Variants in COL23A1 observed in about 807,000 individuals in gnomAD.
The protein encoded by COL23A1 is collagen type XXIII alpha 1 chain, also known as collagen alpha-1(XXIII) chain.
A neutral mutation model predicts 99.3 loss-of-function variants in COL23A1; 97 were observed. The ratio of observed to expected loss-of-function variants is 0.98; its 90% CI spans 0.83 to 1.16. COL23A1 has a LOEUF of 1.16. Among genes scored for constraint, COL23A1 ranks in the 50% most tolerant of loss-of-function variants. The pLI is 0.00. For missense variants in COL23A1, 762 were observed against 757.4 expected, an observed-to-expected ratio of 1.01 and a Z score of -0.07; for synonymous variants, 320 against 308.2, an observed-to-expected ratio of 1.04 and a Z score of -0.40.
intron 2 of COL23A1, among the ~76,000 whole-genome samples, chr5:178,456,819 T>G (rs1166884069): frequency 6.6e-6 from 1 of 151,162 alleles, no homozygotes; most frequent in Non-Finnish European, 1.5e-5. Flanking sequence ...GAAGGATTGT[T>G]TTTCTTAAGA....
intron 2 of COL23A1, among the ~76,000 whole-genome samples, chr5:178,397,976 A>C (rs1465709937): frequency 6.6e-6 from 1 of 151,490 alleles, no homozygotes; most frequent in Non-Finnish European, 1.5e-5. Flanking sequence ...ACAGAGTGAG[A>C]CTTCATGTCA....
At chr5:178,297,537 A>T (rs1366258171) in intron 3 of COL23A1, among the ~76,000 whole-genome samples, 1 of 152,188 alleles carries the variant, frequency 6.6e-6, no homozygotes, top group East Asian at 1.9e-4. Flanking sequence ...AACAAAAAAC[A>T]GAGATGTCAA....
chr5:178,267,659 G>A (rs1408390758), intron 7 of COL23A1, among the ~76,000 whole-genome samples: 5 of 152,150 alleles, frequency 3.3e-5, no homozygotes, highest in Admixed American at 2.0e-4. Context: ...TGGAAGGGAC[G>A]GTAATGAGTA....
rs140463823 is a variant in COL23A1 at position 178,313,075 on chromosome 5, G to A, written c.362-6156C>T. Reference sequence around the variant, plus strand: ...TGGGCCTGGAGGACGTCACGCGATGGGAAGTAAGCCAGACACAGAAAGACA... The same window carrying A: ...TGGGCCTGGAGGACGTCACGCGATGAGAAGTAAGCCAGACACAGAAAGACA... On this transcript the variant is annotated intron_variant, in intron 2 of 28. Coordinates refer to ENST00000390654, the MANE Select transcript of COL23A1 (RefSeq NM_173465.4). This position sits in a 1 kb window ranked among gnomAD's most constrained non-coding sequence, Gnocchi z 4.2. Among the ~76,000 whole-genome samples, 50 of 152,296 alleles carry A rather than the reference G, an allele frequency of 3.3e-4. No homozygotes were observed. The highest frequency in any genetic ancestry group is 1.1e-3 in the African/African-American group (46 of 41,560).
At chr5:178,361,685 C>T (rs1022207758) in intron 2 of COL23A1, among the ~76,000 whole-genome samples, 17 of 152,184 alleles carry the variant, frequency 1.1e-4, no homozygotes, top group African/African-American at 2.4e-4. Context: ...CCAACCCTGA[C>T]GGCTCCCAAT....
intron 1 of COL23A1, among the ~76,000 whole-genome samples, chr5:178,563,016 C>G (rs1032108366): frequency 6.6e-6 from 1 of 152,154 alleles, no homozygotes; most frequent in Non-Finnish European, 1.5e-5. Flanking sequence ...TCTCCAAGTC[C>G]CCACTGCACC....
At chr5:178,502,209 G>A (rs1403380875) in intron 2 of COL23A1, among the ~76,000 whole-genome samples, 2 of 152,208 alleles carry the variant, frequency 1.3e-5, no homozygotes, top group Non-Finnish European at 2.9e-5. Context: ...TCGGCCCACT[G>A]CAAGCTCTGC....
chr5:178,573,073 G>C (rs1476978243), intron 1 of COL23A1, among the ~76,000 whole-genome samples: 2 of 152,224 alleles, frequency 1.3e-5, no homozygotes, highest in Non-Finnish European at 2.9e-5. Context: ...GGAACTGAAC[G>C]AGGCAGGAGG....
At chr5:178,333,832 A>G (rs1459718121) in intron 2 of COL23A1, among the ~76,000 whole-genome samples, 3 of 152,118 alleles carry the variant, frequency 2.0e-5, no homozygotes, top group African/African-American at 7.2e-5. Flanking sequence ...AGAACGCAGC[A>G]CGGGGAAGGC....
At chr5:178,576,514 T>C (rs1436648301) in intron 1 of COL23A1, among the ~76,000 whole-genome samples, 1 of 152,188 alleles carries the variant, frequency 6.6e-6, no homozygotes, top group Non-Finnish European at 1.5e-5. Flanking sequence ...ATTACGGGCG[T>C]GAGCCACCCA....
chr5:178,314,050 C>T (rs1004403176), intron 2 of COL23A1, among the ~76,000 whole-genome samples: 5 of 152,046 alleles, frequency 3.3e-5, no homozygotes, highest in South Asian at 2.1e-4. Context: ...AGGTGTGTCC[C>T]GGTGGGTGTC....
rs182067866 is a variant in COL23A1 at position 178,501,657 on chromosome 5, C to A, written c.361+59025G>T. On this transcript the variant is annotated intron_variant, in intron 2 of 28. Coordinates refer to ENST00000390654, the MANE Select transcript of COL23A1 (RefSeq NM_173465.4). ...AGGGGCATCCTGGTATGATAGAGGG[C>A]ATTAGGCAACTGCCACTCTAGTCCC... Among the ~76,000 whole-genome samples the A allele has an allele frequency of 2.9e-3, 434 of 152,184 alleles. 2 individuals are homozygous for A. Among genetic ancestry groups the A allele is most frequent in the African/African-American group, 0.01 (423 of 41,522 alleles).
rs1756862937 is a variant in COL23A1 at position 178,280,906 on chromosome 5, C to A, written c.441+7418G>T. 6.6e-6 allele frequency among the ~76,000 whole-genome samples: 1 copy of A among 152,218 alleles called. No homozygotes were observed. Among genetic ancestry groups the A allele is most frequent in the Non-Finnish European group, 1.5e-5 (1 of 68,034 alleles). On this transcript the variant is annotated intron_variant, in intron 5 of 28. Transcript: ENST00000390654. The surrounding 1 kb of genome is among the most constrained non-coding windows in gnomAD (Gnocchi z 4.9). ...GGGCGGAGCAGCAGCTCGGGCCCCA[C>A]TGACCTGGGGTGGCCGCCTCCTGTG...
At chr5:178,261,844 A>G in intron 10 of COL23A1, 96 bp from the exon 11 acceptor site, 1 of 1,078,878 alleles carries the variant, frequency 9.3e-7, no homozygotes, top group South Asian at 1.3e-5. Context: ...GGTGACACCA[A>G]TCCCAGAGAG....
At chr5:178,250,997 A>C (rs1765002333) in intron 17 of COL23A1, among the ~76,000 whole-genome samples, 1 of 148,590 alleles carries the variant, frequency 6.7e-6, no homozygotes, top group African/African-American at 2.5e-5. Context: ...AAAAAAAAAA[A>C]AAGAGTATGT....
intron 3 of COL23A1, among the ~76,000 whole-genome samples, chr5:178,302,119 TGC>T (rs1758086870): frequency 7.1e-6 from 1 of 141,660 alleles, no homozygotes; most frequent in Admixed American, 7.0e-5. Flanking sequence ...CACCTCTGTG[TGC>T]GCCGGAGCAC....
intron 2 of COL23A1, among the ~76,000 whole-genome samples, chr5:178,486,649 C>A (rs1198604903): frequency 1.3e-5 from 2 of 152,122 alleles, no homozygotes; most frequent in African/African-American, 4.8e-5. Flanking sequence ...AACATGAAGC[C>A]CACAGGGAGA....
At chr5:178,325,797 G>A (rs1439994739) in intron 2 of COL23A1, among the ~76,000 whole-genome samples, 1 of 152,248 alleles carries the variant, frequency 6.6e-6, no homozygotes, top group East Asian at 1.9e-4. Context: ...CAATTCCAGG[G>A]TGTCCACAGC....
At chr5:178,261,678 C>T in intron 11 of COL23A1, 44 bp downstream of exon 11, 1 of 1,503,182 alleles carries the variant, frequency 6.7e-7, no homozygotes, top group Non-Finnish European at 9.3e-7. Flanking sequence ...GGGAGTCCAT[C>T]CCACCAGATC....
Sources: allele counts gnomAD v4.1 joint callset (sites outside exome capture counted in the v4.1 genomes callset), GRCh38; gene constraint gnomAD v4.1.1; non-coding constraint Gnocchi (gnomAD v3.1); transcripts MANE v1.5; gene names NCBI Gene and HGNC (gene_info 2026-07-23, HGNC 2026-07-21).